The following PCDHA2 variants were observed in gnomAD, a reference collection of about 807,000 sequenced individuals.
The protein encoded by PCDHA2 is protocadherin alpha-2.
A neutral mutation model predicts 66.0 loss-of-function variants in PCDHA2; 58 were observed. That is an observed-to-expected ratio of 0.88 (90% CI 0.71 to 1.09). The LOEUF (loss-of-function observed/expected upper bound fraction) is 1.09. Among genes scored for constraint, PCDHA2 ranks in the 50% least tolerant of loss-of-function variants. The probability of loss-of-function intolerance (pLI) is 0.00; values close to 1 mark genes in which losing one functional copy is unlikely to be tolerated. For missense variants in PCDHA2, 1,267 were observed against 1,242.3 expected (o/e 1.02, Z -0.30); for synonymous variants, 634 against 554.0 (o/e 1.14, Z -2.03).
At chr5:140,804,745 A>T (rs1763452768) in intron 1 of PCDHA2, 2 of 211,092 alleles carry the variant, frequency 9.5e-6, no homozygotes, top group Non-Finnish European at 1.9e-5. Context: ...ATATTTGGTT[A>T]TCTCCTCTAG....
In PCDHA2 at chr5:140,978,905, T is replaced by C. The variant is rs782532288; in HGVS notation, c.2389-44T>C. 9 of 1,613,632 alleles carry C rather than the reference T, an allele frequency of 5.6e-6. No homozygotes were observed. In the South Asian group the frequency reaches 9.9e-5, roughly 18 times the overall value. On this transcript the variant is annotated intron_variant, in intron 1 of 3. Coordinates refer to ENST00000526136, the MANE Select transcript of PCDHA2 (RefSeq NM_018905.3). ...AATTAGCAGCATTCCTGGGAGAACA[T>C]TGTCTTGTCATTTTAACAGAAAACT...
chr5:140,993,828 A>G (rs1170306716), intron 3 of PCDHA2, among the ~76,000 whole-genome samples: 1 of 152,226 alleles, frequency 6.6e-6, no homozygotes, highest in East Asian at 1.9e-4. Context: ...AGGCTATACC[A>G]TATAGCCTAG....
chr5:140,877,501 A>G lies in PCDHA2; in HGVS notation c.2388+80149A>G, dbSNP rs2057165784. On this transcript the variant is annotated intron_variant, in intron 1 of 3. Coordinates refer to ENST00000526136, the MANE Select transcript of PCDHA2 (RefSeq NM_018905.3). ...GCTGGTGGAGAACGGCCAGGCCCCA[A>G]AGACGTCGTCGCGGGCCTCAGTGGG... 3.1e-6 allele frequency: 5 copies of G among 1,613,804 alleles called. No homozygotes were observed. In the East Asian group the frequency reaches 1.1e-4, roughly 36 times the overall value.
At chr5:140,947,896 G>A (rs1355775996) in intron 1 of PCDHA2, among the ~76,000 whole-genome samples, 5 of 151,478 alleles carry the variant, frequency 3.3e-5, no homozygotes, top group Non-Finnish European at 7.4e-5. Context: ...AACAGAAGTG[G>A]TGAGAGCAGA....
In PCDHA2 at chr5:140,928,822, C is replaced by G. The variant is rs782187448; in HGVS notation, c.2389-50127C>G. ...GGTAGTGGTTCGGGACCATGGAGAC[C>G]CACCACTTTCCTCCTCTGTCACTCT... On this transcript the variant is annotated intron_variant, in intron 1 of 3. Coordinates refer to ENST00000526136, the MANE Select transcript of PCDHA2 (RefSeq NM_018905.3). 6 of 1,614,116 alleles carry G rather than the reference C, an allele frequency of 3.7e-6. No individual in the cohort carries two copies. The South Asian group carries it at 6.6e-5, about 18-fold the overall frequency.
chr5:140,858,032 G>A lies in PCDHA2; in HGVS notation c.2388+60680G>A. 6.3e-7 allele frequency: 1 copy of A among 1,597,242 alleles called. No homozygotes were observed. The highest frequency in any genetic ancestry group is 8.6e-7 in the Non-Finnish European group (1 of 1,167,272). The stretch of plus-strand genomic sequence containing the variant: ...TGGCGAGCCGTCGCTGACGGCCACG[G>A]CCACTGTGCTTGTGTCGCTTGTGGA... On this transcript the variant is annotated intron_variant, in intron 1 of 3. Transcript: ENST00000526136.
chr5:140,833,083 G>A (rs1348346830), intron 1 of PCDHA2, among the ~76,000 whole-genome samples: 5 of 152,168 alleles, frequency 3.3e-5, no homozygotes, highest in African/African-American at 9.7e-5. Flanking sequence ...ATAACTTTGA[G>A]TACTAGACGA....
chr5:140,835,666 G>T, intron 1 of PCDHA2: 1 of 1,613,936 alleles, frequency 6.2e-7, no homozygotes, highest in Non-Finnish European at 8.5e-7. Context: ...GTTACCGCGC[G>T]GGACGGGGGC....
At chr5:140,952,768 AT>A (rs1554220610) in intron 1 of PCDHA2, among the ~76,000 whole-genome samples, 1 of 152,180 alleles carries the variant, frequency 6.6e-6, no homozygotes, top group African/African-American at 2.4e-5. Context: ...AGACTGGATA[AT>A]TTAGAAAGAA....
chr5:140,929,995 C>A (rs543771321), intron 1 of PCDHA2: 1 of 152,108 alleles, frequency 6.6e-6, no homozygotes, highest in Admixed American at 6.5e-5. Context: ...GGAATGACAC[C>A]CTAAAACATA....
intron 1 of PCDHA2, among the ~76,000 whole-genome samples, chr5:140,974,639 G>A (rs896104665): frequency 2.0e-5 from 3 of 152,198 alleles, no homozygotes; most frequent in African/African-American, 7.2e-5. Context: ...AACCTCCCGA[G>A]TAGCTGAGAT....
At position 140,797,114 on chromosome 5, in the gene PCDHA2, T is replaced by C. The variant is rs782334581; in HGVS notation, c.2150T>C (p.Leu717Pro). ...VSSLLVLTVL[L>P]YTALRCSVPP... ...AGCCTGTTGGTGCTCACGGTGCTGC[T>C]GTACACTGCGCTGCGGTGCTCGGTG... Residue 717 changes from leucine (L) to proline (P), a missense_variant, in exon 1 of 4, where the codon CTG becomes CCG. Leu to Pro is a moderately conservative substitution (Grantham distance 98). Coordinates refer to ENST00000526136, the MANE Select transcript of PCDHA2 (RefSeq NM_018905.3). 37 of 1,613,874 alleles carry C rather than the reference T, an allele frequency of 2.3e-5. No individual in the cohort carries two copies. Among genetic ancestry groups the C allele is most frequent in the African/African-American group, 2.3e-4 (17 of 74,936 alleles).
At chr5:140,975,200 C>T (rs1469690831) in intron 1 of PCDHA2, among the ~76,000 whole-genome samples, 1 of 152,224 alleles carries the variant, frequency 6.6e-6, no homozygotes, top group Non-Finnish European at 1.5e-5. Context: ...GCTCCATCTT[C>T]ATGGCTGGCA....
intron 1 of PCDHA2, among the ~76,000 whole-genome samples, chr5:140,960,552 A>T (rs1269039449): frequency 6.6e-6 from 1 of 152,162 alleles, no homozygotes; most frequent in Non-Finnish European, 1.5e-5. Flanking sequence ...CTTCATATAG[A>T]CTGAGCTTAG....
chr5:140,795,318 T>C lies in PCDHA2; in HGVS notation c.354T>C (p.His118=). The C allele has an allele frequency of 6.2e-7, 1 of 1,614,180 alleles. No individual in the cohort carries two copies. The change falls in exon 1 of 4, where the codon CAT becomes CAC. Residue 118 remains histidine, a synonymous_variant. Transcript: ENST00000526136. ...TGGACAGGCCGCTGCAGGTTTTCCA[T>C]GTGGAAGTGGAGGTGAAGGACATTA... The part of the protein sequence containing the change: ...VIVDRPLQVF[H]VEVEVKDIND...
At chr5:140,855,376 A>T (rs1239693937) in intron 1 of PCDHA2, among the ~76,000 whole-genome samples, 1 of 150,012 alleles carries the variant, frequency 6.7e-6, no homozygotes, top group Non-Finnish European at 1.5e-5. Context: ...GATAATAGGA[A>T]TCTAAATGGA....
In PCDHA2 at chr5:140,849,585, C is replaced by A. The variant is rs147876741; in HGVS notation, c.2388+52233C>A. 8 of 1,598,624 alleles carry A rather than the reference C, an allele frequency of 5.0e-6. No homozygotes were observed. Among genetic ancestry groups the A allele is most frequent in the Admixed American group, 3.4e-5 (2 of 59,262 alleles). ...CTCGGTTCCTGTAAAAGAGGACGCA[C>A]AACTGGGGACAGTTATTGCCCTGAT... is the stretch of plus-strand genomic sequence containing the variant. On this transcript the variant is annotated intron_variant, in intron 1 of 3. Transcript: ENST00000526136.
intron 1 of PCDHA2, among the ~76,000 whole-genome samples, chr5:140,924,406 C>T (rs1353288147): frequency 6.6e-6 from 1 of 152,132 alleles, no homozygotes; most frequent in Non-Finnish European, 1.5e-5. Context: ...CCTTATATCA[C>T]AGTGTGCCCT....
chr5:140,848,583 C>T (rs2040479456), intron 1 of PCDHA2: 1 of 1,595,014 alleles, frequency 6.3e-7, no homozygotes, highest in Non-Finnish European at 8.6e-7. Flanking sequence ...GGGGAGCGGC[C>T]AGCTCCACTA....
Sources: gnomAD v4.1 joint callset for allele counts (sites outside exome capture counted in the v4.1 genomes callset) on GRCh38, gnomAD v4.1.1 for gene constraint, MANE v1.5 for transcripts, NCBI Gene and HGNC (gene_info 2026-07-23, HGNC 2026-07-21) for gene names.